The following ANKS4B variants were observed in gnomAD, a reference collection of about 807,000 sequenced individuals.
ANKS4B encodes ankyrin repeat and sterile alpha motif domain containing 4B.
A neutral mutation model predicts 20.2 loss-of-function variants in ANKS4B; 21 were observed. The ratio of observed to expected loss-of-function variants is 1.04; its 90% CI spans 0.74 to 1.50. ANKS4B has a LOEUF of 1.50. ANKS4B is among the 40% of genes most tolerant of loss of function. The pLI is 0.00. For synonymous variants in ANKS4B, 179 were observed against 194.5 expected (o/e 0.92, Z 0.66); for missense variants, 473 against 494.6 (o/e 0.96, Z 0.41).
chr16:21,248,322 CTTT>C (rs59170909), intron 1 of ANKS4B, among the ~76,000 whole-genome samples: 45 of 131,614 alleles, frequency 3.4e-4, no homozygotes, highest in East Asian at 2.2e-3. Flanking sequence ...TGAGCCTAGC[CTTT>C]TTTTTTTTTT....
chr16:21,238,065 G>A (rs1187509583), intron 1 of ANKS4B, among the ~76,000 whole-genome samples: 1 of 152,150 alleles, frequency 6.6e-6, no homozygotes, highest in Non-Finnish European at 1.5e-5. Context: ...GGAGGCTGAG[G>A]CACAAATTGC....
At chr16:21,236,166 G>A (rs936487462) in intron 1 of ANKS4B, among the ~76,000 whole-genome samples, 23 of 152,122 alleles carry the variant, frequency 1.5e-4, no homozygotes, top group African/African-American at 5.1e-4. Context: ...GAAGGAAAAG[G>A]CATCTCACAT....
At position 21,250,886 on chromosome 16, in the gene ANKS4B, C is replaced by T. The variant is rs2093338658; in HGVS notation, c.*66C>T. ...CCGCTGGCAGCACTCCAGGCGGCAC[C>T]CCCTCTTTACCCAATGCCAGACCAC... On this transcript the variant is annotated 3_prime_UTR_variant, in exon 2 of 2. Transcript: ENST00000311620. 6.6e-7 allele frequency: 1 copy of T among 1,516,092 alleles called. No individual in the cohort carries two copies. Among genetic ancestry groups the T allele is most frequent in the Middle Eastern group, 2.5e-4 (1 of 3,982 alleles). 93.9% of individuals were successfully genotyped at this position (1,516,092 alleles called of 1,614,324 possible). A position where few individuals can be genotyped will look rare whatever the true frequency, so the allele number is the denominator to read the frequency against.
chr16:21,235,181 A>G (rs1306635328), intron 1 of ANKS4B, among the ~76,000 whole-genome samples: 4 of 152,164 alleles, frequency 2.6e-5, no homozygotes, highest in Non-Finnish European at 5.9e-5. Flanking sequence ...AGGGAAATAG[A>G]GGGCACTAAA....
chr16:21,253,441 T>C lies in ANKS4B; in HGVS notation c.*2621T>C, dbSNP rs558722011. 2.6e-5 allele frequency: 4 copies of C among 151,556 alleles called. No homozygotes were observed. The highest frequency in any genetic ancestry group is 6.6e-5 in the Admixed American group (1 of 15,238). 9.4% of individuals were successfully genotyped at this position (151,556 alleles called of 1,614,324 possible). A position where few individuals can be genotyped will look rare whatever the true frequency, so the allele number is the denominator to read the frequency against. The stretch of plus-strand genomic sequence containing the variant: ...TAAACTGAAGTTGTGCTTTCCTTCA[T>C]TAACGTGCACAGAAGCAGTTGGCAA... On this transcript the variant is annotated 3_prime_UTR_variant, in exon 2 of 2. Transcript: ENST00000311620.
Position 21,250,995 on chromosome 16 carries a change from A to G in ANKS4B, c.*175A>G, listed in dbSNP as rs2093338794. 4 of 786,884 alleles carry G rather than the reference A, an allele frequency of 5.1e-6. No homozygotes were observed. The highest frequency in any genetic ancestry group is 7.6e-6 in the Non-Finnish European group (4 of 529,774). 48.7% of individuals were successfully genotyped at this position (786,884 alleles called of 1,614,324 possible). A position where few individuals can be genotyped will look rare whatever the true frequency, so the allele number is the denominator to read the frequency against. On this transcript the variant is annotated 3_prime_UTR_variant, in exon 2 of 2. Coordinates refer to ENST00000311620, the MANE Select transcript of ANKS4B (RefSeq NM_145865.3). ...TCTGGGAGGTAGGCTATGCCCATCC[A>G]AATAAATCTCCATGAGAAACTTGAG...
intron 1 of ANKS4B, among the ~76,000 whole-genome samples, chr16:21,242,250 G>A (rs764714144): frequency 5.9e-5 from 9 of 152,064 alleles, no homozygotes; most frequent in South Asian, 2.1e-4. Flanking sequence ...GAAGTGGCAC[G>A]ATCTTGGCTC....
At chr16:21,239,845 G>A (rs1288980170) in intron 1 of ANKS4B, among the ~76,000 whole-genome samples, 2 of 152,172 alleles carry the variant, frequency 1.3e-5, no homozygotes, top group African/African-American at 4.8e-5. Context: ...ACTGATAAGT[G>A]GGAGCTAAAT....
rs2093338526 is a variant in ANKS4B at position 21,250,814 on chromosome 16, C to T, written c.1248C>T (p.Ser416=). 6.3e-7 allele frequency: 1 copy of T among 1,588,106 alleles called. No individual in the cohort carries two copies. Among genetic ancestry groups the T allele is most frequent in the Non-Finnish European group, 8.6e-7 (1 of 1,161,920 alleles). The change falls in exon 2 of 2, where the codon AGC becomes AGT. Residue 416 remains serine, a synonymous_variant. Coordinates refer to ENST00000311620, the MANE Select transcript of ANKS4B (RefSeq NM_145865.3). ...LQQPGQLVDT[S]L Reference sequence around the variant, plus strand: ...AGCCTGGGCAGCTGGTCGACACCAGCCTGTGATGGAGAGTTTTGGCCTGGA... The same window carrying T: ...AGCCTGGGCAGCTGGTCGACACCAGTCTGTGATGGAGAGTTTTGGCCTGGA...
At chr16:21,236,500 C>G (rs2093320439) in intron 1 of ANKS4B, among the ~76,000 whole-genome samples, 1 of 152,176 alleles carries the variant, frequency 6.6e-6, no homozygotes, top group Admixed American at 6.5e-5. Context: ...AATAGTAATG[C>G]TTAGGTGTTC....
At chr16:21,236,682 A>G (rs765276171) in intron 1 of ANKS4B, among the ~76,000 whole-genome samples, 1 of 151,792 alleles carries the variant, frequency 6.6e-6, no homozygotes, top group Non-Finnish European at 1.5e-5. Context: ...AAGTGTTGAG[A>G]TTACAGGTGT....
At chr16:21,239,242 C>A (rs1224993580) in intron 1 of ANKS4B, among the ~76,000 whole-genome samples, 2 of 152,112 alleles carry the variant, frequency 1.3e-5, no homozygotes, top group Non-Finnish European at 2.9e-5. Flanking sequence ...TTCGAGCCAG[C>A]AATCTCATTA....
chr16:21,238,267 A>G (rs1306705903), intron 1 of ANKS4B, among the ~76,000 whole-genome samples: 1 of 152,192 alleles, frequency 6.6e-6, no homozygotes, highest in African/African-American at 2.4e-5. Context: ...TTTATGCTTA[A>G]AAAGAATTGG....
At chr16:21,249,462 G>A (rs929492066) in intron 1 of ANKS4B, among the ~76,000 whole-genome samples, 1 of 152,182 alleles carries the variant, frequency 6.6e-6, no homozygotes, top group Non-Finnish European at 1.5e-5. Flanking sequence ...GGGAGATAGA[G>A]TGAGAACCTG....
At chr16:21,241,321 G>A (rs575852831) in intron 1 of ANKS4B, among the ~76,000 whole-genome samples, 5 of 152,254 alleles carry the variant, frequency 3.3e-5, no homozygotes, top group East Asian at 3.9e-4. Flanking sequence ...AAGAATATGC[G>A]GTAGTGGGTT....
chr16:21,251,005 C>T lies in ANKS4B; in HGVS notation c.*185C>T. ...AGGCTATGCCCATCCAAATAAATCT[C>T]CATGAGAAACTTGAGGAGACTTCAT... is the stretch of plus-strand genomic sequence containing the variant. On this transcript the variant is annotated 3_prime_UTR_variant, in exon 2 of 2. Transcript: ENST00000311620. 1 of 691,520 alleles carries T rather than the reference C, an allele frequency of 1.4e-6. No individual in the cohort carries two copies. The highest frequency in any genetic ancestry group is 2.2e-6 in the Non-Finnish European group (1 of 447,388). 42.8% of individuals were successfully genotyped at this position (691,520 alleles called of 1,614,324 possible).
Position 21,233,887 on chromosome 16 carries a change from A to C in ANKS4B, c.150A>C (p.Ile50=). Residue 50 remains isoleucine, a synonymous_variant, in exon 1 of 2, where the codon ATA becomes ATC. Transcript: ENST00000311620. ...ATGGGAACTTGGAAGCCCTAGAGATAATCTGCAGTAGAGGGTAAGTTCAAC... is the reference window on the plus strand; with the variant it reads ...ATGGGAACTTGGAAGCCCTAGAGATCATCTGCAGTAGAGGGTAAGTTCAAC... The part of the protein sequence containing the change: ...AYHGNLEALE[I]ICSRGGDPDR... The C allele has an allele frequency of 1.2e-6, 2 of 1,612,844 alleles. No individual in the cohort carries two copies. Among genetic ancestry groups the C allele is most frequent in the Non-Finnish European group, 1.7e-6 (2 of 1,179,472 alleles).
chr16:21,244,724 G>T (rs187475887), intron 1 of ANKS4B, among the ~76,000 whole-genome samples: 3 of 152,176 alleles, frequency 2.0e-5, no homozygotes, highest in East Asian at 1.9e-4. Flanking sequence ...ACATGTTTAG[G>T]GGGGAGACAC....
rs375988421 is a variant in ANKS4B, at chr16:21,250,114, C to T, written c.548C>T (p.Ser183Leu). The change falls in exon 2 of 2, where the codon TCA becomes TTA. Residue 183 changes from serine to leucine, a missense_variant. Ser to Leu is a moderately radical substitution (Grantham distance 145). Coordinates refer to ENST00000311620, the MANE Select transcript of ANKS4B (RefSeq NM_145865.3). ...TCTTCCAAGGGTACCTTCTCCAGAT[C>T]ATCCCCTTCAAATGCTTCTGCTCCT... is the stretch of plus-strand genomic sequence containing the variant. ...LSSSKGTFSR[S>L]SPSNASAPGT... 3 of 1,614,220 alleles carry T rather than the reference C, an allele frequency of 1.9e-6. No homozygotes were observed. The South Asian group carries it at 3.3e-5, about 18-fold the overall frequency.
Sources: allele counts gnomAD v4.1 joint callset (sites outside exome capture counted in the v4.1 genomes callset), GRCh38; gene constraint gnomAD v4.1.1; transcripts MANE v1.5; gene names NCBI Gene and HGNC (gene_info 2026-07-23, HGNC 2026-07-21).